NRCAM: variants seen among roughly 807,000 people sequenced by gnomAD.
NRCAM encodes neuronal cell adhesion molecule.
NRCAM carries 83 observed loss-of-function variants against 156.5 expected under a neutral mutation model. That is an observed-to-expected ratio of 0.53 (90% CI 0.44 to 0.64). NRCAM has a LOEUF of 0.64. Ranked by LOEUF, NRCAM falls within the 30% of genes least tolerant of loss-of-function variation. The pLI is 0.00. For missense variants in NRCAM, 1,417 were observed against 1,597.3 expected (o/e 0.89, Z 1.92); for synonymous variants, 538 against 563.9 (o/e 0.95, Z 0.65).
rs1391524181 is a variant in NRCAM at position 108,450,454 on chromosome 7, T to G, written c.-332+5789A>C. Among the ~76,000 whole-genome samples the G allele has an allele frequency of 2.6e-5, 4 of 152,208 alleles. No homozygotes were observed. In the East Asian group the frequency reaches 7.7e-4, roughly 29 times the overall value. On this transcript the variant is annotated intron_variant, in intron 1 of 32. Transcript: ENST00000379028. ...TGGGTGGTGAAGGTTTATGCTGTCA[T>G]CTTGGAAGATTCAATGGTAGGGAGA...
intron 25 of NRCAM, chr7:108,178,377 C>A: frequency 4.3e-6 from 2 of 463,574 alleles, no homozygotes; most frequent in Non-Finnish European, 8.1e-6. Flanking sequence ...GGACTCAAAC[C>A]TAATATTTTA....
At chr7:108,217,861 G>C (rs951346000) in intron 11 of NRCAM, among the ~76,000 whole-genome samples, 6 of 152,136 alleles carry the variant, frequency 3.9e-5, no homozygotes, top group African/African-American at 1.2e-4. Flanking sequence ...GGGCTTCATG[G>C]GGGTGGGATC....
chr7:108,406,537 C>T (rs1360322117), intron 1 of NRCAM, among the ~76,000 whole-genome samples: 4 of 152,222 alleles, frequency 2.6e-5, no homozygotes, highest in Admixed American at 2.6e-4. Context: ...GGAGAGAACA[C>T]TCCTCAGATT....
At chr7:108,232,621 C>A in intron 6 of NRCAM, 99 bp from the exon 7 acceptor site, 1 of 782,798 alleles carries the variant, frequency 1.3e-6, no homozygotes. Context: ...GAAATAATTA[C>A]CAGATTTTAA....
chr7:108,257,522 G>A (rs1005822408), intron 3 of NRCAM, among the ~76,000 whole-genome samples: 3 of 152,082 alleles, frequency 2.0e-5, no homozygotes, highest in Admixed American at 6.5e-5. Flanking sequence ...AGTATTAAGC[G>A]ATACTGAGAG....
intron 1 of NRCAM, among the ~76,000 whole-genome samples, chr7:108,426,158 C>G (rs769675269): frequency 3.3e-5 from 5 of 152,224 alleles, no homozygotes; most frequent in Non-Finnish European, 7.3e-5. Context: ...GTCATCAGAA[C>G]TACACATGAA....
intron 30 of NRCAM, among the ~76,000 whole-genome samples, chr7:108,163,679 TGA>T (rs570856890): frequency 1.3e-5 from 2 of 151,978 alleles, no homozygotes; most frequent in Non-Finnish European, 2.9e-5. Context: ...ATGGCATTAA[TGA>T]GAGGTCACGT....
chr7:108,169,947 A>G (rs2057426695), intron 28 of NRCAM, among the ~76,000 whole-genome samples: 1 of 152,216 alleles, frequency 6.6e-6, no homozygotes, highest in Non-Finnish European at 1.5e-5. Flanking sequence ...ACGGAAAAGC[A>G]TTTAGTTTCT....
intron 1 of NRCAM, among the ~76,000 whole-genome samples, chr7:108,423,814 G>T (rs924920795): frequency 4.6e-5 from 7 of 152,160 alleles, no homozygotes; most frequent in Non-Finnish European, 7.3e-5. Context: ...GCAGGGCTAG[G>T]GCCCCCACCT....
intron 20 of NRCAM, among the ~76,000 whole-genome samples, chr7:108,186,170 C>T (rs995689028): frequency 1.3e-5 from 2 of 152,184 alleles, no homozygotes; most frequent in Non-Finnish European, 2.9e-5. Flanking sequence ...ATATGTCTTG[C>T]AGTGGTTCAA....
intron 1 of NRCAM, among the ~76,000 whole-genome samples, chr7:108,442,848 G>A (rs574277618): frequency 4.1e-4 from 63 of 152,322 alleles, no homozygotes; most frequent in African/African-American, 1.5e-3. Context: ...CCTTAAACAT[G>A]TCAATCAATT....
chr7:108,397,132 G>A (rs781467497), intron 2 of NRCAM, among the ~76,000 whole-genome samples: 2 of 152,128 alleles, frequency 1.3e-5, no homozygotes, highest in East Asian at 1.9e-4. Context: ...AGGTGGAAAC[G>A]GCAGAGTGAG....
At chr7:108,247,726 T>C (rs1005974784) in intron 3 of NRCAM, among the ~76,000 whole-genome samples, 1 of 151,794 alleles carries the variant, frequency 6.6e-6, no homozygotes, top group Non-Finnish European at 1.5e-5. Flanking sequence ...GAGAGTCCAA[T>C]ATTGTTAGTC....
chr7:108,190,744 G>A (rs2070806044), intron 19 of NRCAM, among the ~76,000 whole-genome samples: 2 of 152,112 alleles, frequency 1.3e-5, no homozygotes, highest in Non-Finnish European at 2.9e-5. Flanking sequence ...TTTGTCTTTT[G>A]TTAACACATG....
chr7:108,287,557 T>C (rs1419889358), intron 3 of NRCAM, among the ~76,000 whole-genome samples: 2 of 151,934 alleles, frequency 1.3e-5, no homozygotes, highest in Middle Eastern at 3.2e-3. Context: ...GACATACAAG[T>C]GGCCAACAAA....
intron 10 of NRCAM, among the ~76,000 whole-genome samples, chr7:108,224,143 A>G (rs1222182863): frequency 6.6e-6 from 1 of 152,184 alleles, no homozygotes; most frequent in African/African-American, 2.4e-5. Flanking sequence ...GAAAATTTTC[A>G]ATATGTTGAC....
upstream of NRCAM, chr7:108,456,687 C>T (rs1008437355): frequency 2.0e-5 from 3 of 152,200 alleles, no homozygotes; most frequent in African/African-American, 4.8e-5. Flanking sequence ...GCCGCCCCAC[C>T]GCCAACCTCC....
At chr7:108,370,181 A>G (rs1240518152) in intron 2 of NRCAM, among the ~76,000 whole-genome samples, 1 of 152,154 alleles carries the variant, frequency 6.6e-6, no homozygotes, top group African/African-American at 2.4e-5. Flanking sequence ...AACTGATGCA[A>G]ATAATTACTA....
chr7:108,450,466 C>T (rs955691604), intron 1 of NRCAM, among the ~76,000 whole-genome samples: 3 of 152,102 alleles, frequency 2.0e-5, no homozygotes, highest in Non-Finnish European at 4.4e-5. Context: ...TTGGAAGATT[C>T]AATGGTAGGG....
Sources: allele counts gnomAD v4.1 joint callset (sites outside exome capture counted in the v4.1 genomes callset), GRCh38; gene constraint gnomAD v4.1.1; transcripts MANE v1.5; gene names NCBI Gene and HGNC (gene_info 2026-07-23, HGNC 2026-07-21).